The following ZCCHC10 variants were observed in gnomAD, a reference collection of about 807,000 sequenced individuals.
ZCCHC10 encodes the protein zinc finger CCHC domain-containing protein 10.
In ZCCHC10, 16 loss-of-function variants were observed where a neutral mutation model predicts 19.5. That is an observed-to-expected ratio of 0.82 (90% confidence interval 0.56 to 1.25). The LOEUF is 1.25. Ranked by LOEUF, ZCCHC10 falls within the 50% of genes most tolerant of loss-of-function variation. The probability of loss-of-function intolerance (pLI) is 0.00; values close to 1 mark genes in which losing one functional copy is unlikely to be tolerated. For missense variants in ZCCHC10, 197 were observed against 201.0 expected, an observed-to-expected ratio of 0.98 and a Z score of 0.12; for synonymous variants, 67 against 72.5, an observed-to-expected ratio of 0.92 and a Z score of 0.38.
chr5:133,010,619 T>TA (rs1325940683), intron 2 of ZCCHC10, among the ~76,000 whole-genome samples: 3 of 152,100 alleles, frequency 2.0e-5, no homozygotes, highest in African/African-American at 7.2e-5. Flanking sequence ...ATTGAGTTTC[T>TA]ATATAACAAA....
intron 3 of ZCCHC10, 74 bp downstream of exon 3, chr5:133,006,685 A>G: frequency 1.4e-6 from 2 of 1,384,280 alleles, no homozygotes; most frequent in Non-Finnish European, 1.9e-6. Flanking sequence ...AACCACCATG[A>G]AACGTTTGGT....
chr5:133,023,329 T>TA (rs1480316837), intron 1 of ZCCHC10, among the ~76,000 whole-genome samples: 1 of 152,092 alleles, frequency 6.6e-6, no homozygotes, highest in East Asian at 1.9e-4. Context: ...GTTTACAAGG[T>TA]AAAAATAATT....
chr5:132,997,182 A>T lies in ZCCHC10; in HGVS notation c.*1401T>A, dbSNP rs1369146060. On this transcript the variant is annotated 3_prime_UTR_variant, in exon 5 of 5. Transcript: ENST00000509437. ...TATTCTGTAGGCAGCCTTTGAAATG[A>T]TGTTTTGAGAATTTATTTACAACCA... The T allele has an allele frequency of 1.3e-5, 2 of 152,206 alleles. No individual in the cohort carries two copies. Among genetic ancestry groups the T allele is most frequent in the Non-Finnish European group, 2.9e-5 (2 of 68,028 alleles). 9.4% of individuals were successfully genotyped at this position (152,206 alleles called of 1,614,324 possible). A position where few individuals can be genotyped will look rare whatever the true frequency, so the allele number is the denominator to read the frequency against.
intron 2 of ZCCHC10, 44 bp downstream of exon 2, chr5:133,022,797 C>T (rs1309090159): frequency 3.9e-6 from 2 of 507,916 alleles, no homozygotes; most frequent in Non-Finnish European, 7.0e-6. Flanking sequence ...CACAAATGTA[C>T]ATATTTATCA....
rs148335720 is a variant in ZCCHC10, at chr5:133,001,372, C to T, written c.270-1199G>A. Among the ~76,000 whole-genome samples, 200 of 151,582 alleles carry T rather than the reference C, an allele frequency of 1.3e-3. 3 individuals are homozygous for T. The East Asian group carries it at 0.034, about 26-fold the overall frequency. On this transcript the variant is annotated intron_variant, in intron 3 of 4. Coordinates refer to ENST00000509437, the MANE Select transcript of ZCCHC10 (RefSeq NM_001300816.3). Reference sequence around the variant, plus strand: ...CACCATTGCACTCCAGTTTGGGCGACAGAGCAAGACTCTGTCTCAAAATAA... The same window carrying T: ...CACCATTGCACTCCAGTTTGGGCGATAGAGCAAGACTCTGTCTCAAAATAA...
rs192941072 is a variant in ZCCHC10 at position 133,018,747 on chromosome 5, G to C, written c.107+4094C>G. Among the ~76,000 whole-genome samples the C allele has an allele frequency of 1.5e-3, 231 of 152,256 alleles. 2 individuals carry two copies. Among genetic ancestry groups the C allele is most frequent in the African/African-American group, 5.1e-3 (212 of 41,552 alleles). Reference sequence around the variant, plus strand: ...ATGGGCAAGAATCTTCTGCAATACTGTAAGTTTCCTATGACTTAAAGATTT... The same window carrying C: ...ATGGGCAAGAATCTTCTGCAATACTCTAAGTTTCCTATGACTTAAAGATTT... On this transcript the variant is annotated intron_variant, in intron 2 of 4. Transcript: ENST00000509437.
At chr5:133,016,445 C>T (rs912263622) in intron 2 of ZCCHC10, among the ~76,000 whole-genome samples, 2 of 149,256 alleles carry the variant, frequency 1.3e-5, no homozygotes, top group Admixed American at 1.3e-4. Flanking sequence ...TTATTTTTCT[C>T]TTTTTTTTTT....
chr5:132,999,673 T>TAA (rs75591310), intron 4 of ZCCHC10, among the ~76,000 whole-genome samples: 1 of 152,056 alleles, frequency 6.6e-6, no homozygotes, highest in African/African-American at 2.4e-5. Context: ...CCAGACAGGT[T>TAA]AAAAAAAGGA....
Position 133,006,778 on chromosome 5 carries a change from T to G in ZCCHC10, c.250A>C (p.Arg84=). The change falls in exon 3 of 5, where the codon AGA becomes CGA. Residue 84 remains arginine, a synonymous_variant. Transcript: ENST00000509437. ...LKKALKEKEN[R]LLLQQSIGET... Reference sequence around the variant, plus strand: ...ACCTACCTTTGTTGCAATAATAATCTGTTTTCTTTTTCTTTTAAAGCTTTC... The same window carrying G: ...ACCTACCTTTGTTGCAATAATAATCGGTTTTCTTTTTCTTTTAAAGCTTTC... The G allele has an allele frequency of 6.2e-7, 1 of 1,605,074 alleles. No individual in the cohort carries two copies. The highest frequency in any genetic ancestry group is 8.5e-7 in the Non-Finnish European group (1 of 1,177,792).
At chr5:132,999,502 CTTTAT>C (rs1479609334) in intron 4 of ZCCHC10, among the ~76,000 whole-genome samples, 1 of 152,284 alleles carries the variant, frequency 6.6e-6, no homozygotes, top group Admixed American at 6.5e-5. Flanking sequence ...GTTTCATCAT[CTTTAT>C]TTTAACTACT....
chr5:133,006,947 C>A, intron 2 of ZCCHC10, 27 bp from the exon 3 acceptor site: 3 of 1,554,612 alleles, frequency 1.9e-6, no homozygotes, highest in South Asian at 1.2e-5. Context: ...AGAATACAAG[C>A]CTTAAAATTC....
intron 1 of ZCCHC10, among the ~76,000 whole-genome samples, chr5:133,023,480 T>A (rs373443904): frequency 1.6e-4 from 21 of 134,420 alleles, no homozygotes; most frequent in African/African-American, 2.4e-4. Context: ...TTTTTTTTTT[T>A]AAAGAACGAT....
Position 133,012,116 on chromosome 5 carries a change from G to A in ZCCHC10, c.108-5196C>T, listed in dbSNP as rs1166255302. Among the ~76,000 whole-genome samples, 33 of 124,862 alleles carry A rather than the reference G, an allele frequency of 2.6e-4. 1 individual carries two copies. The highest frequency in any genetic ancestry group is 1.4e-3 in the East Asian group (6 of 4,180). 81.9% of individuals were successfully genotyped at this position (124,862 alleles called of 152,430 possible). On this transcript the variant is annotated intron_variant, in intron 2 of 4. Coordinates refer to ENST00000509437, the MANE Select transcript of ZCCHC10 (RefSeq NM_001300816.3). ...CATGCCACTGCACCCTAGCCTGAGC[G>A]ACAGAGTGAGCCTCCATCTCAAAAA... is the stretch of plus-strand genomic sequence containing the variant.
intron 1 of ZCCHC10, among the ~76,000 whole-genome samples, chr5:133,023,422 T>TA (rs1764458521): frequency 6.6e-6 from 1 of 152,002 alleles, no homozygotes; most frequent in Non-Finnish European, 1.5e-5. Flanking sequence ...AGTTCGTATT[T>TA]AGACTTTTTT....
chr5:133,013,895 T>C (rs897561532), intron 2 of ZCCHC10, among the ~76,000 whole-genome samples: 7 of 152,160 alleles, frequency 4.6e-5, no homozygotes, highest in Non-Finnish European at 7.3e-5. Context: ...TAGAAATCTA[T>C]GCACAAGTAT....
intron 1 of ZCCHC10, among the ~76,000 whole-genome samples, chr5:133,024,386 G>A (rs1375527593): frequency 6.6e-6 from 1 of 152,206 alleles, no homozygotes; most frequent in Non-Finnish European, 1.5e-5. Flanking sequence ...CACTGGGCAT[G>A]TAATCCAATC....
At chr5:133,010,458 A>G (rs1353801388) in intron 2 of ZCCHC10, among the ~76,000 whole-genome samples, 1 of 152,198 alleles carries the variant, frequency 6.6e-6, no homozygotes, top group South Asian at 2.1e-4. Context: ...CATGAGAGAA[A>G]ACAAATTTCC....
chr5:133,026,415 A>G, intron 1 of ZCCHC10, 82 bp downstream of exon 1: 2 of 1,550,092 alleles, frequency 1.3e-6, no homozygotes, highest in Non-Finnish European at 1.8e-6. Flanking sequence ...CGCCGGTCCC[A>G]ATAGGGGTCC....
rs1469406568 is a variant in ZCCHC10 at position 132,998,843 on chromosome 5, T to C, written c.319A>G (p.Ser107Gly). 2 of 1,614,074 alleles carry C rather than the reference T, an allele frequency of 1.2e-6. No individual in the cohort carries two copies. Among genetic ancestry groups the C allele is most frequent in the Non-Finnish European group, 1.7e-6 (2 of 1,179,978 alleles). The change falls in exon 5 of 5, where the codon AGT (serine) becomes GGT (glycine). Residue 107 changes from serine (S) to glycine (G), a missense_variant. Ser to Gly is a moderately conservative substitution (Grantham distance 56). Transcript: ENST00000509437. Reference protein sequence around the residue: ...ERKAKKKRSKSVTSSSSSSSD... With the variant: ...ERKAKKKRSKGVTSSSSSSSD... ...CTACTGCTACTGGAACTGGTTACAC[T>C]CTTAGACCTATTAGACAATACAGAG...
Sources: gnomAD v4.1 joint callset for allele counts (sites outside exome capture counted in the v4.1 genomes callset) on GRCh38, gnomAD v4.1.1 for gene constraint, MANE v1.5 for transcripts, NCBI Gene and HGNC (gene_info 2026-07-23, HGNC 2026-07-21) for gene names.